The following SGCZ variants were observed in gnomAD, a reference collection of about 807,000 sequenced individuals.
The protein encoded by SGCZ is zeta-sarcoglycan.
A neutral mutation model predicts 41.3 loss-of-function variants in SGCZ; 40 were observed. That is an observed-to-expected ratio of 0.97 (90% CI 0.75 to 1.26). The LOEUF (loss-of-function observed/expected upper bound fraction) is 1.26. Among genes scored for constraint, SGCZ ranks in the 50% most tolerant of loss-of-function variants. SGCZ has a pLI of 0.00. For synonymous variants in SGCZ, 206 were observed against 137.5 expected, an observed-to-expected ratio of 1.50 and a Z score of -3.49; for missense variants, 552 against 369.8, an observed-to-expected ratio of 1.49 and a Z score of -4.04.
intron 1 of SGCZ, among the ~76,000 whole-genome samples, chr8:14,833,318 T>C (rs950837671): frequency 2.0e-5 from 3 of 152,052 alleles, no homozygotes; most frequent in South Asian, 2.1e-4. Flanking sequence ...TGTTGTCAAC[T>C]GGAAAGAAAA....
At chr8:14,747,953 T>C (rs372846409) in intron 1 of SGCZ, among the ~76,000 whole-genome samples, 3 of 150,700 alleles carry the variant, frequency 2.0e-5, no homozygotes, top group East Asian at 3.9e-4. Flanking sequence ...CTTGAACTCC[T>C]GAACTCAGGT....
intron 2 of SGCZ, among the ~76,000 whole-genome samples, chr8:14,473,133 G>A (rs1207042341): frequency 6.6e-6 from 1 of 152,146 alleles, no homozygotes; most frequent in East Asian, 1.9e-4. Flanking sequence ...AATTTAGAAT[G>A]AATTAAAATC....
At chr8:14,868,846 G>T (rs921174336) in intron 1 of SGCZ, among the ~76,000 whole-genome samples, 1 of 151,972 alleles carries the variant, frequency 6.6e-6, no homozygotes, top group Admixed American at 6.6e-5. Context: ...TAGAAGAAAT[G>T]GATAAATTCC....
At chr8:14,141,208 C>G (rs1803358761) in intron 5 of SGCZ, among the ~76,000 whole-genome samples, 1 of 152,128 alleles carries the variant, frequency 6.6e-6, no homozygotes, top group Non-Finnish European at 1.5e-5. Flanking sequence ...AGACCTAAAA[C>G]CATAAAAACC....
intron 5 of SGCZ, among the ~76,000 whole-genome samples, chr8:14,154,044 G>C (rs1383067611): frequency 6.6e-6 from 1 of 152,088 alleles, no homozygotes; most frequent in East Asian, 1.9e-4. Context: ...TTGGCACCCT[G>C]ATCTCGAACT....
intron 2 of SGCZ, among the ~76,000 whole-genome samples, chr8:14,382,180 C>T (rs1804392069): frequency 6.6e-6 from 1 of 152,166 alleles, no homozygotes; most frequent in African/African-American, 2.4e-5. Flanking sequence ...AGTAGAGTTT[C>T]TGCCAAACTG....
chr8:14,103,778 T>C (rs528278325), intron 6 of SGCZ, among the ~76,000 whole-genome samples: 1 of 152,194 alleles, frequency 6.6e-6, no homozygotes, highest in South Asian at 2.1e-4. Flanking sequence ...ACGTCTGTAT[T>C]TTTTTTATTA....
intron 1 of SGCZ, among the ~76,000 whole-genome samples, chr8:14,659,251 C>T (rs996285137): frequency 1.4e-4 from 21 of 152,130 alleles, no homozygotes; most frequent in Admixed American, 1.2e-3. Context: ...GTGTCATCAC[C>T]GCCAGAGATG....
At chr8:15,036,049 T>C (rs567025011) in intron 1 of SGCZ, among the ~76,000 whole-genome samples, 5 of 142,444 alleles carry the variant, frequency 3.5e-5, no homozygotes, top group Non-Finnish European at 7.8e-5. Context: ...ACAAAGAGAG[T>C]TGCTATGTGA....
chr8:15,236,637 T>G (rs1039181166), intron 1 of SGCZ, among the ~76,000 whole-genome samples: 1 of 151,938 alleles, frequency 6.6e-6, no homozygotes, highest in Admixed American at 6.6e-5. Context: ...GGTTTGTTGG[T>G]TTTTTAAAGT....
At chr8:14,882,329 TA>T (rs199720796) in intron 1 of SGCZ, among the ~76,000 whole-genome samples, 7,537 of 152,236 alleles carry the variant, frequency 0.05, 222 homozygotes, top group Non-Finnish European at 0.061. Flanking sequence ...TATATGCATT[TA>T]AAAAAATAAA....
chr8:14,944,016 C>T (rs937029310), intron 1 of SGCZ, among the ~76,000 whole-genome samples: 1 of 152,008 alleles, frequency 6.6e-6, no homozygotes, highest in Non-Finnish European at 1.5e-5. Flanking sequence ...TGCTGATGGG[C>T]ATTTAGGTGA....
chr8:14,846,442 G>A (rs1336004591), intron 1 of SGCZ, among the ~76,000 whole-genome samples: 1 of 151,830 alleles, frequency 6.6e-6, no homozygotes, highest in Non-Finnish European at 1.5e-5. Flanking sequence ...GACTGATCAG[G>A]AACATACAGG....
intron 1 of SGCZ, among the ~76,000 whole-genome samples, chr8:15,071,190 T>A (rs1805338246): frequency 6.6e-6 from 1 of 152,184 alleles, no homozygotes; most frequent in Non-Finnish European, 1.5e-5. Flanking sequence ...AATGTTTAAG[T>A]AATTAGAGGA....
At chr8:14,414,256 T>C (rs1194051680) in intron 2 of SGCZ, among the ~76,000 whole-genome samples, 1 of 151,642 alleles carries the variant, frequency 6.6e-6, no homozygotes, top group African/African-American at 2.4e-5. Flanking sequence ...CAAAAATTGG[T>C]TTTATATTCC....
At chr8:14,398,245 A>T (rs1798974040) in intron 2 of SGCZ, among the ~76,000 whole-genome samples, 1 of 152,154 alleles carries the variant, frequency 6.6e-6, no homozygotes, top group African/African-American at 2.4e-5. Flanking sequence ...TTATTCGAGC[A>T]TTCTAAACTT....
intron 1 of SGCZ, among the ~76,000 whole-genome samples, chr8:14,880,005 T>C (rs140598521): frequency 0.05 from 7,534 of 152,126 alleles, 215 homozygotes; most frequent in Non-Finnish European, 0.061. Context: ...CACACCCGGC[T>C]AAGTTTTGTA....
At chr8:14,366,233 C>G (rs1399334750) in intron 2 of SGCZ, among the ~76,000 whole-genome samples, 2 of 152,140 alleles carry the variant, frequency 1.3e-5, no homozygotes, top group East Asian at 3.9e-4. Context: ...GTTTAATGGA[C>G]TCACATTTCT....
chr8:15,074,981 T>C (rs1054640213), intron 1 of SGCZ, among the ~76,000 whole-genome samples: 7 of 152,122 alleles, frequency 4.6e-5, no homozygotes, highest in Non-Finnish European at 8.8e-5. Context: ...AGAGCATGAA[T>C]TGTATCCTTC....
Sources: allele counts gnomAD v4.1 joint callset (sites outside exome capture counted in the v4.1 genomes callset), GRCh38; gene constraint gnomAD v4.1.1; transcripts MANE v1.5; gene names NCBI Gene and HGNC (gene_info 2026-07-23, HGNC 2026-07-21).